Variants in ARHGEF38 observed in about 807,000 individuals in gnomAD.
ARHGEF38 encodes the protein Rho guanine nucleotide exchange factor 38.
Under a neutral mutation model 79.9 loss-of-function variants are expected in ARHGEF38, and 79 were observed. The ratio of observed to expected loss-of-function variants is 0.99; its 90% CI spans 0.82 to 1.19. ARHGEF38 has a LOEUF of 1.19. Among genes scored for constraint, ARHGEF38 ranks in the 50% most tolerant of loss-of-function variants. ARHGEF38 has a pLI of 0.00. For missense variants in ARHGEF38, 962 were observed against 907.2 expected, an observed-to-expected ratio of 1.06 and a Z score of -0.78; for synonymous variants, 366 against 328.3, an observed-to-expected ratio of 1.11 and a Z score of -1.24.
intron 3 of ARHGEF38, among the ~76,000 whole-genome samples, chr4:105,626,012 T>C (rs1432260849): frequency 6.6e-6 from 1 of 152,202 alleles, no homozygotes; most frequent in Non-Finnish European, 1.5e-5. Flanking sequence ...TCTCACTCTG[T>C]GAACACTCTC....
chr4:105,564,346 G>A lies in ARHGEF38; in HGVS notation c.196+11385G>A, dbSNP rs556007179. Among the ~76,000 whole-genome samples, 4 of 152,154 alleles carry A rather than the reference G, an allele frequency of 2.6e-5. No homozygotes were observed. The East Asian group carries it at 5.8e-4, about 22-fold the overall frequency. On this transcript the variant is annotated intron_variant, in intron 1 of 13. Coordinates refer to ENST00000420470, the MANE Select transcript of ARHGEF38 (RefSeq NM_001242729.2). ...AACATTTGCAGTAAAATTCTGACAC[G>A]CTACTACATGGATGATCATCAAAGA...
At chr4:105,571,458 G>A (rs1726230049) in intron 1 of ARHGEF38, among the ~76,000 whole-genome samples, 1 of 151,512 alleles carries the variant, frequency 6.6e-6, no homozygotes. Flanking sequence ...GAGTAGCTGG[G>A]ATTACAGGCG....
intron 3 of ARHGEF38, among the ~76,000 whole-genome samples, chr4:105,615,955 T>C (rs1354506558): frequency 1.3e-5 from 2 of 152,190 alleles, no homozygotes; most frequent in Non-Finnish European, 2.9e-5. Flanking sequence ...GACCCCGCCA[T>C]CTACTGGGTG....
At chr4:105,656,589 C>T (rs1448396074) in intron 9 of ARHGEF38, among the ~76,000 whole-genome samples, 1 of 151,890 alleles carries the variant, frequency 6.6e-6, no homozygotes, top group African/African-American at 2.4e-5. Context: ...AATTTAGTGC[C>T]TTGTGTTTCT....
At chr4:105,567,246 T>G (rs1021234483) in intron 1 of ARHGEF38, among the ~76,000 whole-genome samples, 2 of 152,226 alleles carry the variant, frequency 1.3e-5, no homozygotes, top group African/African-American at 2.4e-5. Context: ...CACCAGTTTT[T>G]AAATACTGAC....
At chr4:105,635,021 C>CTTCAA (rs934008076) in intron 4 of ARHGEF38, among the ~76,000 whole-genome samples, 28 of 152,194 alleles carry the variant, frequency 1.8e-4, no homozygotes, top group Admixed American at 5.9e-4. Context: ...TTGGAAAGCC[C>CTTCAA]TTCAGTTCCT....
chr4:105,557,510 C>A (rs1725306919), intron 1 of ARHGEF38, among the ~76,000 whole-genome samples: 1 of 151,492 alleles, frequency 6.6e-6, no homozygotes, highest in East Asian at 1.9e-4. Flanking sequence ...GAAACCTAAT[C>A]CCCAATGTGA....
chr4:105,594,717 T>C (rs1051102550), intron 2 of ARHGEF38, among the ~76,000 whole-genome samples: 1 of 152,238 alleles, frequency 6.6e-6, no homozygotes, highest in Non-Finnish European at 1.5e-5. Flanking sequence ...GACTGACAAC[T>C]GTTCTGTGAC....
chr4:105,568,825 G>A (rs1271526690), intron 1 of ARHGEF38, among the ~76,000 whole-genome samples: 1 of 152,168 alleles, frequency 6.6e-6, no homozygotes, highest in African/African-American at 2.4e-5. Context: ...TTAGCAGCAT[G>A]AGAACAAACG....
chr4:105,579,796 G>A (rs1012605049), intron 1 of ARHGEF38, among the ~76,000 whole-genome samples: 4 of 151,994 alleles, frequency 2.6e-5, no homozygotes, highest in East Asian at 3.9e-4. Context: ...GAATAGCTTC[G>A]GTAGGAATAA....
intron 2 of ARHGEF38, among the ~76,000 whole-genome samples, chr4:105,599,449 C>T (rs1055046017): frequency 6.6e-6 from 1 of 152,108 alleles, no homozygotes; most frequent in Non-Finnish European, 1.5e-5. Flanking sequence ...TTTTAATATC[C>T]AGAAAAGTCA....
At chr4:105,575,531 C>T (rs1726455195) in intron 1 of ARHGEF38, among the ~76,000 whole-genome samples, 1 of 152,014 alleles carries the variant, frequency 6.6e-6, no homozygotes, top group African/African-American at 2.4e-5. Flanking sequence ...TGTTTGAGTT[C>T]CTTGTAGATT....
In ARHGEF38 at chr4:105,679,016, G is replaced by A. The variant is rs749388129; in HGVS notation, c.*1079G>A. On this transcript the variant is annotated 3_prime_UTR_variant, in exon 14 of 14. Coordinates refer to ENST00000420470, the MANE Select transcript of ARHGEF38 (RefSeq NM_001242729.2). ...ATAATGTAAGATTAGGTAGAAATAGGCAAGCTCACACTGCTAAATTAACTA... is the reference window on the plus strand; with the variant it reads ...ATAATGTAAGATTAGGTAGAAATAGACAAGCTCACACTGCTAAATTAACTA... 1 of 375,298 alleles carries A rather than the reference G, an allele frequency of 2.7e-6. No homozygotes were observed. Among genetic ancestry groups the A allele is most frequent in the Non-Finnish European group, 4.2e-6 (1 of 235,742 alleles). The allele number at this position is 375,298 out of a possible 1,614,324, so 23.2% of individuals were successfully genotyped here.
intron 1 of ARHGEF38, among the ~76,000 whole-genome samples, chr4:105,585,850 G>A (rs926962266): frequency 9.6e-5 from 14 of 145,486 alleles, no homozygotes; most frequent in African/African-American, 3.6e-4. Context: ...TCCTGCCTTA[G>A]CCTCCCAAGT....
In ARHGEF38 at chr4:105,680,334, T is replaced by A. The variant is rs1277455348; in HGVS notation, c.*2397T>A. 1.8e-5 allele frequency: 5 copies of A among 280,562 alleles called. No homozygotes were observed. The highest frequency in any genetic ancestry group is 1.3e-4 in the South Asian group (3 of 23,310). The allele number at this position is 280,562 out of a possible 1,614,324, so 17.4% of individuals were successfully genotyped here. On this transcript the variant is annotated 3_prime_UTR_variant, in exon 14 of 14. Transcript: ENST00000420470. ...ATGTACAATCCTAAAAGCTTACTTG[T>A]TAGCACACTTGCTTATCTGTCCATT...
intron 3 of ARHGEF38, among the ~76,000 whole-genome samples, chr4:105,629,057 T>A (rs75896643): frequency 0.016 from 2,375 of 151,928 alleles, 51 homozygotes; most frequent in African/African-American, 0.054. Context: ...TAATTTATTT[T>A]AAAAAAAATC....
chr4:105,660,302 C>T (rs1730510115), intron 10 of ARHGEF38, among the ~76,000 whole-genome samples: 2 of 151,994 alleles, frequency 1.3e-5, no homozygotes, highest in African/African-American at 4.8e-5. Context: ...ATGCCAGTAA[C>T]AATAAATGCA....
At chr4:105,607,938 A>G (rs1376562461) in intron 2 of ARHGEF38, among the ~76,000 whole-genome samples, 1 of 151,994 alleles carries the variant, frequency 6.6e-6, no homozygotes, top group Non-Finnish European at 1.5e-5. Context: ...AGAAACTTAC[A>G]TACTATTTTT....
At chr4:105,589,542 T>C in intron 2 of ARHGEF38, 107 bp downstream of exon 2, 1 of 986,684 alleles carries the variant, frequency 1.0e-6, no homozygotes, top group Middle Eastern at 3.3e-4. Flanking sequence ...TGTGCCTTTC[T>C]CCCCAAAACA....
Sources: allele counts gnomAD v4.1 joint callset (sites outside exome capture counted in the v4.1 genomes callset), GRCh38; gene constraint gnomAD v4.1.1; transcripts MANE v1.5; gene names NCBI Gene and HGNC (gene_info 2026-07-23, HGNC 2026-07-21).